The following BAHCC1 variants were observed in gnomAD, a reference collection of about 807,000 sequenced individuals.
BAHCC1 encodes the protein BAH and coiled-coil domain-containing protein 1.
In BAHCC1, 43 loss-of-function variants were observed where a neutral mutation model predicts 88.2. The observed-to-expected ratio is 0.49, with a 90% CI of 0.38 to 0.63. The LOEUF (loss-of-function observed/expected upper bound fraction) is 0.63. Among genes scored for constraint, BAHCC1 ranks in the 20% least tolerant of loss-of-function variants. BAHCC1 has a pLI of 0.00. For synonymous variants in BAHCC1, 1,510 were observed against 745.5 expected, an observed-to-expected ratio of 2.03 and a Z score of -16.71; for missense variants, 3,023 against 1,654.8, an observed-to-expected ratio of 1.83 and a Z score of -14.34.
chr17:81,427,699 C>T (rs2064216327), intron 3 of BAHCC1, among the ~76,000 whole-genome samples: 1 of 152,200 alleles, frequency 6.6e-6, no homozygotes, highest in African/African-American at 2.4e-5. Context: ...GCCACCCCAA[C>T]CCTACAGCGT....
In BAHCC1 at chr17:81,411,138, A is replaced by T. The variant is rs782319715; in HGVS notation, c.178+11221A>T. ...AGCCGTCCTCTGCGTGAGTCCATTC[A>T]TCACGTGCCTGCAGGTGCCTGTGTC... On this transcript the variant is annotated intron_variant, in intron 2 of 27. Transcript: ENST00000675386. This position sits in a 1 kb window ranked among gnomAD's most constrained non-coding sequence, Gnocchi z 6.2. The T allele has an allele frequency of 1.9e-6, 1 of 518,938 alleles. No individual in the cohort carries two copies. Among genetic ancestry groups the T allele is most frequent in the Non-Finnish European group, 3.9e-6 (1 of 259,738 alleles). 32.1% of individuals were successfully genotyped at this position (518,938 alleles called of 1,614,324 possible). A position where few individuals can be genotyped will look rare whatever the true frequency, so the allele number is the denominator to read the frequency against.
intron 3 of BAHCC1, 95 bp from the exon 4 acceptor site, chr17:81,438,275 G>A: frequency 1.4e-6 from 1 of 734,250 alleles, no homozygotes; most frequent in Non-Finnish European, 2.5e-6. Context: ...ATCGCTCCTG[G>A]GCTGCCTGCC....
In BAHCC1 at chr17:81,447,383, A is replaced by G. The variant is rs2064550200; in HGVS notation, c.3511A>G (p.Thr1171Ala). The G allele has an allele frequency of 1.4e-6, 1 of 737,872 alleles. No homozygotes were observed. Among genetic ancestry groups the G allele is most frequent in the African/African-American group, 1.7e-5 (1 of 58,194 alleles). The allele number at this position is 737,872 out of a possible 1,614,324, so 45.7% of individuals were successfully genotyped here. ...CCTGGAGGCAGGGGGCCCCGAGGCC[A>G]CCGGCCAGGCTCATTCTACTCAGGG... ...ALLEAGGPEA[T>A]GQAHSTQGGA... Residue 1171 changes from threonine to alanine, a missense_variant, in exon 11 of 28, where the codon ACC (threonine) becomes GCC (alanine). Thr to Ala is a moderately conservative substitution (Grantham distance 58). Coordinates refer to ENST00000675386, the MANE Select transcript of BAHCC1 (RefSeq NM_001377448.1).
At chr17:81,462,328 A>C (rs2030369245) in intron 26 of BAHCC1, among the ~76,000 whole-genome samples, 1 of 152,048 alleles carries the variant, frequency 6.6e-6, no homozygotes, top group Admixed American at 6.5e-5. Context: ...TCACTTTTCC[A>C]CGTTGATAAG....
At chr17:81,413,111 G>A in intron 2 of BAHCC1, 1 of 445,826 alleles carries the variant, frequency 2.2e-6, no homozygotes, top group Non-Finnish European at 4.5e-6. Flanking sequence ...GGGTTATCAG[G>A]GCCTTCTCTG....
chr17:81,437,563 G>A (rs1555651903), intron 3 of BAHCC1, among the ~76,000 whole-genome samples: 1 of 152,260 alleles, frequency 6.6e-6, no homozygotes, highest in African/African-American at 2.4e-5. Flanking sequence ...GTGGGGGCAA[G>A]TGTGCCCCAC....
At chr17:81,456,882 C>T (rs1450500278) in intron 16 of BAHCC1, among the ~76,000 whole-genome samples, 4 of 152,106 alleles carry the variant, frequency 2.6e-5, no homozygotes, top group African/African-American at 9.7e-5. Context: ...ATAGCCCTCT[C>T]AACGGCCCCA....
In BAHCC1 at chr17:81,442,081, C is replaced by T. The variant is rs1306063783; in HGVS notation, c.732C>T (p.Asp244=). Residue 244 remains aspartate (D), a synonymous_variant, in exon 5 of 28, where the codon GAC becomes GAT. Coordinates refer to ENST00000675386, the MANE Select transcript of BAHCC1 (RefSeq NM_001377448.1). ...AGGAGCGGCCAGCGGCAGAGGAGGACGGTGGCAAGGAGCGGCACAAGCTGG... is the reference window on the plus strand; with the variant it reads ...AGGAGCGGCCAGCGGCAGAGGAGGATGGTGGCAAGGAGCGGCACAAGCTGG... The part of the protein sequence containing the change: ...EGKERPAAEE[D]GGKERHKLVL... The T allele has an allele frequency of 2.1e-5, 15 of 708,440 alleles. No individual in the cohort carries two copies. Among genetic ancestry groups the T allele is most frequent in the African/African-American group, 7.2e-5 (4 of 55,590 alleles). 43.9% of individuals were successfully genotyped at this position (708,440 alleles called of 1,614,324 possible).
At chr17:81,414,551 C>G (rs1555648311) in intron 2 of BAHCC1, among the ~76,000 whole-genome samples, 2 of 152,242 alleles carry the variant, frequency 1.3e-5, no homozygotes, top group Non-Finnish European at 2.9e-5. Flanking sequence ...AGCCACCCAC[C>G]TCGCCCGCTC....
rs782476369 is a variant in BAHCC1 at position 81,459,103 on chromosome 17, G to A, written c.5655G>A (p.Val1885=). 3.9e-6 allele frequency: 3 copies of A among 771,680 alleles called. No individual in the cohort carries two copies. In the South Asian group the frequency reaches 4.1e-5, roughly 11 times the overall value. 47.8% of individuals were successfully genotyped at this position (771,680 alleles called of 1,614,324 possible). Residue 1885 remains valine, a synonymous_variant, in exon 21 of 28, where the codon GTG becomes GTA. Coordinates refer to ENST00000675386, the MANE Select transcript of BAHCC1 (RefSeq NM_001377448.1). ...AGGACCTGCGGGACGGGCTGCCCGT[G>A]CTCATCCCCAAGGAGGATAGCCTGC... The part of the protein sequence containing the change: ...HKEDLRDGLP[V]LIPKEDSLLY...
intron 2 of BAHCC1, among the ~76,000 whole-genome samples, chr17:81,425,936 A>G (rs868915386): frequency 2.8e-5 from 2 of 71,008 alleles, no homozygotes; most frequent in Admixed American, 1.7e-4. Flanking sequence ...GCATGATGTG[A>G]TTGGTGATGT....
chr17:81,446,093 G>C (rs2064521802), intron 10 of BAHCC1, among the ~76,000 whole-genome samples: 1 of 152,090 alleles, frequency 6.6e-6, no homozygotes, highest in African/African-American at 2.4e-5. Flanking sequence ...TGCCTGGGTG[G>C]GGGGGTCTCG....
rs782201275 is a variant in BAHCC1, at chr17:81,459,604, G to C, written c.5905G>C (p.Gly1969Arg). Residue 1969 changes from glycine to arginine, a missense_variant and splice_region_variant, in exon 23 of 28, where the codon GGG becomes CGG. Physicochemically the swap from Gly to Arg is moderately radical, Grantham distance 125. Transcript: ENST00000675386. ...RCLYPGNVVR[G>R]ASGDEDEDLD... ...TCTGTACCCGGGCAACGTGGTCCGG[G>C]GTAAGTTGCACCCAAAGCGGGGGCT... 6.4e-6 allele frequency: 5 copies of C among 779,522 alleles called. No homozygotes were observed. In the African/African-American group the frequency reaches 6.8e-5, roughly 11 times the overall value. The allele number at this position is 779,522 out of a possible 1,614,324, so 48.3% of individuals were successfully genotyped here.
At chr17:81,423,416 A>G (rs368463789) in intron 2 of BAHCC1, among the ~76,000 whole-genome samples, 2 of 150,192 alleles carry the variant, frequency 1.3e-5, no homozygotes, top group East Asian at 2.0e-4. Context: ...GGGCCAAGCC[A>G]GGCTGGATGA....
intron 2 of BAHCC1, among the ~76,000 whole-genome samples, chr17:81,413,407 G>A (rs1004795690): frequency 3.9e-5 from 6 of 152,132 alleles, no homozygotes; most frequent in Non-Finnish European, 1.5e-5. Context: ...AGGCGAGGCT[G>A]GCCCTGTTCG....
rs781979398 is a variant in BAHCC1, at chr17:81,435,474, C to T, written c.359-2896C>T. 6.4e-6 allele frequency: 3 copies of T among 471,018 alleles called. No homozygotes were observed. Among genetic ancestry groups the T allele is most frequent in the Non-Finnish European group, 1.3e-5 (3 of 226,910 alleles). The allele number at this position is 471,018 out of a possible 1,614,324, so 29.2% of individuals were successfully genotyped here. On this transcript the variant is annotated intron_variant, in intron 3 of 27. Transcript: ENST00000675386. This position sits in a 1 kb window ranked among gnomAD's most constrained non-coding sequence, Gnocchi z 4.4. The stretch of plus-strand genomic sequence containing the variant: ...GCACCAGCAGCCTGTGTCCTGACCA[C>T]CTCTCTGGCGGTTCGCTTAGCCCAG...
Position 81,441,618 on chromosome 17 carries a change from C to T in BAHCC1, c.482-213C>T, listed in dbSNP as rs571770727. ...TGGAGCTTGCAGTGAGCCGAGGTCA[C>T]GCCACAGCACTGCAGCCTGGGCGAC... On this transcript the variant is annotated intron_variant, in intron 4 of 27. Transcript: ENST00000675386. 5.1e-4 allele frequency among the ~76,000 whole-genome samples: 75 copies of T among 146,738 alleles called. 1 individual carries two copies. In the South Asian group the frequency reaches 0.015, roughly 30 times the overall value.
intron 2 of BAHCC1, among the ~76,000 whole-genome samples, chr17:81,412,685 C>A (rs539525560): frequency 3.7e-4 from 56 of 151,578 alleles, no homozygotes; most frequent in African/African-American, 1.3e-3. Context: ...CCGTCCGCGC[C>A]CCCCGCCCCA....
rs568939438 is a variant in BAHCC1 at position 81,421,880 on chromosome 17, C to T, written c.179-4920C>T. 8 of 331,500 alleles carry T rather than the reference C, an allele frequency of 2.4e-5. 1 individual carries two copies. The highest frequency in any genetic ancestry group is 1.2e-4 in the Admixed American group (3 of 25,114). The allele number at this position is 331,500 out of a possible 1,614,324, so 20.5% of individuals were successfully genotyped here. Reference sequence around the variant, plus strand: ...GCTCAGTACGCAGGATGCCTGGGCACGGAATTGGGGTGCAGCATGCGACCC... The same window carrying T: ...GCTCAGTACGCAGGATGCCTGGGCATGGAATTGGGGTGCAGCATGCGACCC... On this transcript the variant is annotated intron_variant, in intron 2 of 27. Coordinates refer to ENST00000675386, the MANE Select transcript of BAHCC1 (RefSeq NM_001377448.1).
Sources: gnomAD v4.1 joint callset for allele counts (sites outside exome capture counted in the v4.1 genomes callset) on GRCh38, gnomAD v4.1.1 for gene constraint, Gnocchi (gnomAD v3.1) non-coding constraint, MANE v1.5 for transcripts, NCBI Gene and HGNC (gene_info 2026-07-23, HGNC 2026-07-21) for gene names.